The following CNIH3 variants were observed in gnomAD, a reference collection of about 807,000 sequenced individuals.
CNIH3 encodes cornichon family AMPA receptor auxiliary protein 3.
A neutral mutation model predicts 24.1 loss-of-function variants in CNIH3; 14 were observed. The observed-to-expected ratio is 0.58, with a 90% CI of 0.38 to 0.91. The LOEUF (loss-of-function observed/expected upper bound fraction) is 0.91, where lower values mean the gene tolerates loss of function less well. CNIH3 is among the 40% of genes least tolerant of loss of function. CNIH3 has a pLI of 0.00. For synonymous variants in CNIH3, 68 were observed against 73.8 expected, an observed-to-expected ratio of 0.92 and a Z score of 0.40; for missense variants, 178 against 196.8, an observed-to-expected ratio of 0.90 and a Z score of 0.57.
At chr1:224,699,195 G>A (rs903255952) in intron 3 of CNIH3, among the ~76,000 whole-genome samples, 6 of 152,176 alleles carry the variant, frequency 3.9e-5, no homozygotes, top group African/African-American at 1.4e-4. Flanking sequence ...GCCTCATGCG[G>A]ATGGGCCCTG....
intron 1 of CNIH3, among the ~76,000 whole-genome samples, chr1:224,493,193 T>C (rs1029046168): frequency 2.0e-5 from 3 of 152,224 alleles, no homozygotes; most frequent in African/African-American, 4.8e-5. Flanking sequence ...TTGGAAGTTA[T>C]TTGGCTAGTC....
intron 1 of CNIH3, among the ~76,000 whole-genome samples, chr1:224,449,158 G>C (rs1447274025): frequency 6.6e-6 from 1 of 151,788 alleles, no homozygotes; most frequent in African/African-American, 2.4e-5. Context: ...TAGAGATGGG[G>C]TTTCACCATA....
intron 1 of CNIH3, among the ~76,000 whole-genome samples, chr1:224,463,581 T>A (rs1336524987): frequency 6.6e-6 from 1 of 150,518 alleles, no homozygotes; most frequent in Non-Finnish European, 1.5e-5. Flanking sequence ...TAATTTTGTA[T>A]TTTTTAATAG....
intron 1 of CNIH3, among the ~76,000 whole-genome samples, chr1:224,637,339 A>T (rs1012486176): frequency 6.6e-6 from 1 of 152,138 alleles, no homozygotes; most frequent in Non-Finnish European, 1.5e-5. Context: ...GTTGTGAGAC[A>T]GGCAATGTGC....
intron 1 of CNIH3, among the ~76,000 whole-genome samples, chr1:224,497,596 A>G (rs1231325498): frequency 6.6e-6 from 1 of 152,248 alleles, no homozygotes; most frequent in Non-Finnish European, 1.5e-5. Context: ...CTGCAAGAAT[A>G]TGGGTTGGGA....
At chr1:224,498,270 A>G (rs947881803) in intron 1 of CNIH3, among the ~76,000 whole-genome samples, 6 of 152,196 alleles carry the variant, frequency 3.9e-5, no homozygotes, top group African/African-American at 1.4e-4. Flanking sequence ...TGGAGGCCCC[A>G]GCAGCCCCAG....
chr1:224,643,970 G>A (rs956433629), intron 1 of CNIH3, among the ~76,000 whole-genome samples: 3 of 152,204 alleles, frequency 2.0e-5, no homozygotes, highest in African/African-American at 7.2e-5. Context: ...GAGACTGGAA[G>A]TTGGGGGTTG....
intron 3 of CNIH3, among the ~76,000 whole-genome samples, chr1:224,555,206 G>A (rs1680088010): frequency 6.6e-6 from 1 of 152,202 alleles, no homozygotes; most frequent in Admixed American, 6.5e-5. Context: ...CTTGCCCCAG[G>A]ACACACAGCT....
In CNIH3 at chr1:224,712,170, G is replaced by A. The variant is rs549982371; in HGVS notation, c.199-18292G>A. ...ACATTGTTAATGACCATTTCAGCTG[G>A]GAATAGGTTCTTCTCTCACCTTTAG... is the stretch of plus-strand genomic sequence containing the variant. On this transcript the variant is annotated intron_variant, in intron 3 of 5. Coordinates refer to ENST00000272133, the MANE Select transcript of CNIH3 (RefSeq NM_152495.2). 5.3e-5 allele frequency among the ~76,000 whole-genome samples: 8 copies of A among 152,330 alleles called. No homozygotes were observed. In the South Asian group the frequency reaches 1.7e-3, roughly 32 times the overall value.
At position 224,616,634 on chromosome 1, in the gene CNIH3, C is replaced by A. The variant is rs545340060; in HGVS notation, c.-541C>A. 44 of 987,636 alleles carry A rather than the reference C, an allele frequency of 4.5e-5. No individual in the cohort carries two copies. The highest frequency in any genetic ancestry group is 5.3e-5 in the Non-Finnish European group (44 of 831,574). The allele number at this position is 987,636 out of a possible 1,614,324, so 61.2% of individuals were successfully genotyped here. A position where few individuals can be genotyped will look rare whatever the true frequency, so the allele number is the denominator to read the frequency against. ...CTCCTTCTCTCGGGAAAGAGCGCTG[C>A]CCGGCTCTGGGATTTGGGAGGAGCT... On this transcript the variant is annotated 5_prime_UTR_variant, in exon 1 of 6. Transcript: ENST00000272133.
In CNIH3 at chr1:224,734,677, T is replaced by C. The variant is rs1689505273; in HGVS notation, c.426T>C (p.Tyr142=). The C allele has an allele frequency of 8.7e-6, 14 of 1,614,142 alleles. No individual in the cohort carries two copies. In the East Asian group the frequency reaches 2.0e-4, roughly 23 times the overall value. ...QKEAWCKLAF[Y]LLSFFYYLYC... ...AGGCCTGGTGTAAGCTGGCCTTCTA[T>C]CTCCTCTCCTTCTTCTACTACCTTT... Residue 142 remains tyrosine, a synonymous_variant, in exon 5 of 6, where the codon TAT becomes TAC. Coordinates refer to ENST00000272133, the MANE Select transcript of CNIH3 (RefSeq NM_152495.2).
At chr1:224,677,485 A>G (rs1202992690) in intron 1 of CNIH3, among the ~76,000 whole-genome samples, 1 of 152,076 alleles carries the variant, frequency 6.6e-6, no homozygotes, top group African/African-American at 2.4e-5. Context: ...GGACGCTGAA[A>G]GCCTTTGTCC....
chr1:224,616,941 A>C lies in CNIH3; in HGVS notation c.-234A>C. On this transcript the variant is annotated 5_prime_UTR_variant, in exon 1 of 6. Transcript: ENST00000272133. ...GGACGGTTCCCTCCAGCGACTCTCG[A>C]CACACGTTTTCCTGTCTTCGCCGGA... is the stretch of plus-strand genomic sequence containing the variant. The C allele has an allele frequency of 7.3e-7, 1 of 1,371,370 alleles. No homozygotes were observed. Among genetic ancestry groups the C allele is most frequent in the Non-Finnish European group, 9.4e-7 (1 of 1,067,976 alleles). The allele number at this position is 1,371,370 out of a possible 1,614,324, so 85.0% of individuals were successfully genotyped here.
At chr1:224,482,005 C>T (rs1016873451) in intron 1 of CNIH3, among the ~76,000 whole-genome samples, 4 of 152,148 alleles carry the variant, frequency 2.6e-5, no homozygotes, top group Admixed American at 2.0e-4. Context: ...GCAGAGGAGT[C>T]TCTCCTCATG....
At chr1:224,501,629 G>T in intron 1 of CNIH3, among the ~76,000 whole-genome samples, 1 of 150,650 alleles carries the variant, frequency 6.6e-6, no homozygotes. Flanking sequence ...CGCCCAGGCT[G>T]GAGTGCAGTG....
chr1:224,580,043 C>T (rs1479161442), intron 4 of CNIH3, among the ~76,000 whole-genome samples: 1 of 152,152 alleles, frequency 6.6e-6, no homozygotes, highest in Non-Finnish European at 1.5e-5. Context: ...ATTCCTTGCT[C>T]ATGTTTTTAA....
intron 3 of CNIH3, among the ~76,000 whole-genome samples, chr1:224,728,700 G>A (rs1198473189): frequency 6.6e-6 from 1 of 152,214 alleles, no homozygotes; most frequent in Non-Finnish European, 1.5e-5. Context: ...AGAGACCAAA[G>A]TCATGGTCCA....
intron 1 of CNIH3, among the ~76,000 whole-genome samples, chr1:224,673,006 A>G (rs1685944642): frequency 6.6e-6 from 1 of 152,174 alleles, no homozygotes; most frequent in Non-Finnish European, 1.5e-5. Context: ...CCTGGGTATG[A>G]CTTGCTAGGA....
At position 224,685,338 on chromosome 1, in the gene CNIH3, G is replaced by A. The variant is rs11590545; in HGVS notation, c.198+495G>A. Among the ~76,000 whole-genome samples, 920 of 152,336 alleles carry A rather than the reference G, an allele frequency of 6.0e-3. 8 individuals carry two copies. Among genetic ancestry groups the A allele is most frequent in the Non-Finnish European group, 0.011 (716 of 68,034 alleles). On this transcript the variant is annotated intron_variant, in intron 3 of 5. Coordinates refer to ENST00000272133, the MANE Select transcript of CNIH3 (RefSeq NM_152495.2). Reference sequence around the variant, plus strand: ...ATGAGGCAGTGTTACTAAAGGCAGAGTCACGTCATTCAGAGAGTTGCTCTG... The same window carrying A: ...ATGAGGCAGTGTTACTAAAGGCAGAATCACGTCATTCAGAGAGTTGCTCTG...
Sources: allele counts gnomAD v4.1 joint callset (sites outside exome capture counted in the v4.1 genomes callset), GRCh38; gene constraint gnomAD v4.1.1; transcripts MANE v1.5; gene names NCBI Gene and HGNC (gene_info 2026-07-23, HGNC 2026-07-21).